Variants in PARM1 observed in about 807,000 individuals in gnomAD.
The protein encoded by PARM1 is WSC4, cell wall integrity and stress response component 4 homolog.
A neutral mutation model predicts 24.6 loss-of-function variants in PARM1; 14 were observed. That is an observed-to-expected ratio of 0.57 (90% CI 0.38 to 0.89). The LOEUF is 0.89. Ranked by LOEUF, PARM1 falls within the 40% of genes least tolerant of loss-of-function variation. PARM1 has a pLI of 0.00. For synonymous variants in PARM1, 179 were observed against 156.6 expected (o/e 1.14, Z -1.07); for missense variants, 362 against 380.4 (o/e 0.95, Z 0.40).
intron 2 of PARM1, 54 bp downstream of exon 2, chr4:75,013,204 T>A: frequency 6.5e-7 from 1 of 1,530,288 alleles, no homozygotes; most frequent in Non-Finnish European, 8.8e-7. Context: ...ACATTAAGAA[T>A]GCAGTTCAGT....
intron 1 of PARM1, among the ~76,000 whole-genome samples, chr4:74,962,187 C>A (rs1254054646): frequency 1.3e-5 from 2 of 152,008 alleles, no homozygotes; most frequent in African/African-American, 4.8e-5. Context: ...TGTATTGGAG[C>A]AGAGTTTTTG....
chr4:74,942,661 C>T (rs529977407), intron 1 of PARM1, among the ~76,000 whole-genome samples: 184 of 152,322 alleles, frequency 1.2e-3, no homozygotes, highest in African/African-American at 4.3e-3. Context: ...AAAATATGTA[C>T]AGAATCCAAC....
intron 1 of PARM1, among the ~76,000 whole-genome samples, chr4:74,998,675 C>T (rs993437794): frequency 5.3e-5 from 8 of 152,136 alleles, no homozygotes; most frequent in Admixed American, 4.6e-4. Flanking sequence ...AGATTTATCC[C>T]AGCTTAGCTT....
intron 1 of PARM1, among the ~76,000 whole-genome samples, chr4:74,973,207 A>G (rs1156854019): frequency 6.6e-6 from 1 of 152,104 alleles, no homozygotes; most frequent in Non-Finnish European, 1.5e-5. Flanking sequence ...TCTTCAGTCA[A>G]TGAAGTATAA....
At chr4:74,950,458 C>T (rs141477909) in intron 1 of PARM1, among the ~76,000 whole-genome samples, 1 of 152,312 alleles carries the variant, frequency 6.6e-6, no homozygotes, top group African/African-American at 2.4e-5. Context: ...TTCCCTCTTA[C>T]AAGGACACCA....
chr4:74,957,780 C>T (rs1170853871), intron 1 of PARM1, among the ~76,000 whole-genome samples: 1 of 152,096 alleles, frequency 6.6e-6, no homozygotes, highest in African/African-American at 2.4e-5. Context: ...TAACTGTGCA[C>T]CAAGACCTTT....
intron 3 of PARM1, 92 bp downstream of exon 3, chr4:75,034,053 G>T (rs777342838): frequency 6.0e-6 from 6 of 998,458 alleles, no homozygotes; most frequent in Non-Finnish European, 9.1e-6. Flanking sequence ...TCCTTAATAG[G>T]TATCTTAGCC....
chr4:75,022,027 AT>A (rs1723097462), intron 2 of PARM1, among the ~76,000 whole-genome samples: 1 of 152,210 alleles, frequency 6.6e-6, no homozygotes, highest in Admixed American at 6.5e-5. Flanking sequence ...TCTTTGAGAA[AT>A]CTCCAAACTG....
At chr4:75,037,618 T>C (rs1723397473) in intron 3 of PARM1, among the ~76,000 whole-genome samples, 1 of 152,288 alleles carries the variant, frequency 6.6e-6, no homozygotes, top group African/African-American at 2.4e-5. Context: ...ATGTGACTTA[T>C]AAAATGAACT....
chr4:75,033,539 C>A (rs1181976055), intron 2 of PARM1, among the ~76,000 whole-genome samples: 1 of 152,044 alleles, frequency 6.6e-6, no homozygotes, highest in Non-Finnish European at 1.5e-5. Context: ...ACCCACTACC[C>A]CTGCAAACAA....
intron 1 of PARM1, among the ~76,000 whole-genome samples, chr4:74,990,148 C>T (rs762914778): frequency 6.6e-6 from 1 of 152,036 alleles, no homozygotes; most frequent in Non-Finnish European, 1.5e-5. Flanking sequence ...ATGAAAGGCA[C>T]CATTAATGAA....
chr4:75,023,679 T>C (rs957288164), intron 2 of PARM1, among the ~76,000 whole-genome samples: 2 of 152,128 alleles, frequency 1.3e-5, no homozygotes, highest in African/African-American at 4.8e-5. Context: ...ACATCTGAAA[T>C]AATAACAGTT....
chr4:74,995,043 C>T (rs1295293137), intron 1 of PARM1, among the ~76,000 whole-genome samples: 29 of 151,962 alleles, frequency 1.9e-4, no homozygotes, highest in Admixed American at 1.9e-3. Context: ...TAAAACTCCT[C>T]GCAAATTTAA....
chr4:74,988,667 T>G (rs886066179), intron 1 of PARM1, among the ~76,000 whole-genome samples: 6 of 152,242 alleles, frequency 3.9e-5, no homozygotes, highest in African/African-American at 1.4e-4. Context: ...AACACTTGTA[T>G]GCCTACTATG....
intron 1 of PARM1, among the ~76,000 whole-genome samples, chr4:74,990,753 A>C (rs1481379158): frequency 6.6e-6 from 1 of 152,112 alleles, no homozygotes; most frequent in East Asian, 1.9e-4. Flanking sequence ...CAGATGGCAA[A>C]ATTTTTCACT....
chr4:75,041,488 C>A (rs1723483324), intron 3 of PARM1, among the ~76,000 whole-genome samples: 1 of 152,134 alleles, frequency 6.6e-6, no homozygotes, highest in African/African-American at 2.4e-5. Flanking sequence ...CTTTGTGGGG[C>A]ATAGTCATAA....
At chr4:74,946,499 T>C (rs141838328) in intron 1 of PARM1, among the ~76,000 whole-genome samples, 1 of 152,198 alleles carries the variant, frequency 6.6e-6, no homozygotes, top group Non-Finnish European at 1.5e-5. Context: ...GATAATCTTA[T>C]AGGTGCTGAG....
At chr4:75,026,175 A>G (rs528522971) in intron 2 of PARM1, among the ~76,000 whole-genome samples, 1 of 152,330 alleles carries the variant, frequency 6.6e-6, no homozygotes, top group African/African-American at 2.4e-5. Context: ...CATAACTACT[A>G]ATAAAGTTCA....
chr4:75,003,827 AAC>A (rs1309873441), intron 1 of PARM1, among the ~76,000 whole-genome samples: 9 of 152,164 alleles, frequency 5.9e-5, no homozygotes, highest in African/African-American at 1.9e-4. Context: ...CTCAACCTAA[AAC>A]ACACTGAAAC....
Sources: allele counts gnomAD v4.1 joint callset (sites outside exome capture counted in the v4.1 genomes callset), GRCh38; gene constraint gnomAD v4.1.1; transcripts MANE v1.5; gene names NCBI Gene and HGNC (gene_info 2026-07-23, HGNC 2026-07-21).